Variants in ANKMY1 observed in about 807,000 individuals in gnomAD.
ANKMY1 encodes the protein ankyrin repeat and MYND domain-containing protein 1.
In ANKMY1, 98 loss-of-function variants were observed where a neutral mutation model predicts 102.0. The ratio of observed to expected loss-of-function variants is 0.96; its 90% CI spans 0.82 to 1.14. ANKMY1 has a LOEUF of 1.14. Among genes scored for constraint, ANKMY1 ranks in the 50% most tolerant of loss-of-function variants. The pLI is 0.00. For synonymous variants in ANKMY1, 582 were observed against 559.9 expected (o/e 1.04, Z -0.56); for missense variants, 1,330 against 1,347.6 (o/e 0.99, Z 0.20).
At chr2:240,557,043 G>T in intron 2 of ANKMY1, 147 bp downstream of exon 2, 2 of 916,776 alleles carry the variant, frequency 2.2e-6, no homozygotes, top group Non-Finnish European at 3.0e-6. Flanking sequence ...TGCTGACACA[G>T]TGTTGAGGCT....
intron 5 of ANKMY1, chr2:240,527,663 C>CTGG (rs1305206811): frequency 8.4e-5 from 1 of 11,856 alleles, no homozygotes; most frequent in African/African-American, 3.0e-4. Context: ...GGTGGGTGGA[C>CTGG]AAATGGGTAG....
Position 240,513,786 on chromosome 2 carries a change from G to A in ANKMY1, c.2005-844C>T, listed in dbSNP as rs537383850. Reference sequence around the variant, plus strand: ...ATCCCAGCTTGACAGCAGCCCCTGCGACCTCCACACAGCCCAACACCCACA... The same window carrying A: ...ATCCCAGCTTGACAGCAGCCCCTGCAACCTCCACACAGCCCAACACCCACA... On this transcript the variant is annotated intron_variant, in intron 9 of 17. Transcript: ENST00000401804. Among the ~76,000 whole-genome samples the A allele has an allele frequency of 3.9e-5, 6 of 152,372 alleles. No homozygotes were observed. In the South Asian group the frequency reaches 1.0e-3, roughly 26 times the overall value.
intron 15 of ANKMY1, among the ~76,000 whole-genome samples, chr2:240,496,978 A>C (rs2077346888): frequency 6.6e-6 from 1 of 152,240 alleles, no homozygotes; most frequent in Non-Finnish European, 1.5e-5. Flanking sequence ...CTGGCAGATT[A>C]TAGTTTCACC....
chr2:240,504,427 A>G (rs115524904), intron 13 of ANKMY1, among the ~76,000 whole-genome samples: 2,049 of 152,346 alleles, frequency 0.013, 22 homozygotes, highest in Middle Eastern at 0.048. Context: ...TTTCTTGGCT[A>G]TGACACCAAA....
At chr2:240,495,868 C>T (rs2077194040) in intron 15 of ANKMY1, among the ~76,000 whole-genome samples, 2 of 152,282 alleles carry the variant, frequency 1.3e-5, no homozygotes, top group South Asian at 2.1e-4. Flanking sequence ...GATGCCCAGC[C>T]GAACCCAGCC....
At chr2:240,561,031 C>G (rs1444108607), upstream of ANKMY1, 6 of 1,533,898 alleles carry the variant, frequency 3.9e-6, no homozygotes, top group Non-Finnish European at 5.2e-6. Context: ...GTCTGCACCG[C>G]GTACCTCATG....
At chr2:240,543,352 CAA>C (rs1311666573) in intron 4 of ANKMY1, among the ~76,000 whole-genome samples, 4 of 115,444 alleles carry the variant, frequency 3.5e-5, no homozygotes, top group Non-Finnish European at 1.8e-5. Context: ...GACTCTTTCT[CAA>C]AAAAAAAAAA....
upstream of ANKMY1, chr2:240,560,634 G>A (rs759840951): frequency 7.0e-7 from 1 of 1,428,316 alleles, no homozygotes; most frequent in Non-Finnish European, 9.1e-7. Flanking sequence ...GGGCGCCTGA[G>A]CCCCCAAAAT....
chr2:240,530,256 A>C (rs950555082), intron 4 of ANKMY1, among the ~76,000 whole-genome samples: 8 of 152,186 alleles, frequency 5.3e-5, no homozygotes, highest in African/African-American at 1.9e-4. Flanking sequence ...CATCTTCCTG[A>C]GATGGCATTG....
upstream of ANKMY1, chr2:240,560,786 G>A (rs781763546): frequency 1.6e-5 from 24 of 1,457,344 alleles, no homozygotes; most frequent in Admixed American, 8.0e-5. Context: ...CGCGAGCCGC[G>A]GGCGCGGAGG....
chr2:240,528,834 A>T (rs2084529068), intron 5 of ANKMY1, among the ~76,000 whole-genome samples: 1 of 151,898 alleles, frequency 6.6e-6, no homozygotes, highest in Non-Finnish European at 1.5e-5. Flanking sequence ...GGGCCCCAGG[A>T]CCCGGCCTGC....
In ANKMY1 at chr2:240,549,959, G is replaced by A. The variant is rs550669295; in HGVS notation, c.480+2955C>T. Reference sequence around the variant, plus strand: ...CAACCATTGTGGAAGTCAGTGTGGCGATTCCTCAGGGATCTAGAACTAGAA... The same window carrying A: ...CAACCATTGTGGAAGTCAGTGTGGCAATTCCTCAGGGATCTAGAACTAGAA... On this transcript the variant is annotated intron_variant, in intron 4 of 17. Coordinates refer to ENST00000401804, the MANE Select transcript of ANKMY1 (RefSeq NM_001282771.3). Among the ~76,000 whole-genome samples the A allele has an allele frequency of 1.3e-4, 20 of 151,878 alleles. No homozygotes were observed. In the East Asian group the frequency reaches 3.3e-3, roughly 25 times the overall value.
intron 4 of ANKMY1, among the ~76,000 whole-genome samples, chr2:240,531,275 C>T (rs757345488): frequency 6.6e-6 from 1 of 152,182 alleles, no homozygotes; most frequent in African/African-American, 2.4e-5. Context: ...GTGGAACTTT[C>T]GTATCTTGAT....
intron 4 of ANKMY1, among the ~76,000 whole-genome samples, chr2:240,545,105 C>T (rs1031320755): frequency 4.1e-5 from 6 of 146,074 alleles, no homozygotes; most frequent in Admixed American, 2.1e-4. Flanking sequence ...ACTTAAATGT[C>T]CCTGTCTGAC....
chr2:240,559,781 A>T (rs1433458458), upstream of ANKMY1, among the ~76,000 whole-genome samples: 3 of 152,200 alleles, frequency 2.0e-5, no homozygotes, highest in African/African-American at 7.2e-5. Context: ...TGCAATAAAG[A>T]TCTGACAGTT....
intron 4 of ANKMY1, among the ~76,000 whole-genome samples, chr2:240,549,102 T>A (rs1396556822): frequency 3.3e-5 from 5 of 151,574 alleles, no homozygotes; most frequent in Admixed American, 3.3e-4. Flanking sequence ...TCACACTACC[T>A]GACTTCAAAC....
At chr2:240,525,899 G>A in intron 6 of ANKMY1, 50 bp from the exon 7 acceptor site, 1 of 1,593,782 alleles carries the variant, frequency 6.3e-7, no homozygotes, top group African/African-American at 1.3e-5. Context: ...GCCCTCAGGG[G>A]TGGGAAGGGT....
chr2:240,556,904 G>A (rs2092407577), intron 2 of ANKMY1, among the ~76,000 whole-genome samples: 1 of 152,328 alleles, frequency 6.6e-6, no homozygotes. Context: ...GAGACAGCTT[G>A]GGAGCCCCAT....
At chr2:240,485,655 T>C (rs1559230522) in intron 15 of ANKMY1, among the ~76,000 whole-genome samples, 2 of 151,974 alleles carry the variant, frequency 1.3e-5, no homozygotes, top group African/African-American at 4.8e-5. Context: ...AGTGGCATGA[T>C]AGTGGCTCAC....
Sources: gnomAD v4.1 joint callset for allele counts (sites outside exome capture counted in the v4.1 genomes callset) on GRCh38, gnomAD v4.1.1 for gene constraint, MANE v1.5 for transcripts, NCBI Gene and HGNC (gene_info 2026-07-23, HGNC 2026-07-21) for gene names.